Variants in MACROD2 observed in about 807,000 individuals in gnomAD.
MACROD2 encodes ADP-ribose glycohydrolase MACROD2.
MACROD2 carries 36 observed loss-of-function variants against 70.4 expected under a neutral mutation model. The observed-to-expected ratio is 0.51, with a 90% CI of 0.39 to 0.68. The LOEUF (loss-of-function observed/expected upper bound fraction) is 0.68. MACROD2 is among the 30% of genes least tolerant of loss of function. The pLI is 0.00. For missense variants in MACROD2, 496 were observed against 538.4 expected (o/e 0.92, Z 0.78); for synonymous variants, 172 against 178.8 (o/e 0.96, Z 0.30).
intron 8 of MACROD2, among the ~76,000 whole-genome samples, chr20:15,579,970 T>A (rs75667660): frequency 0.021 from 3,185 of 152,264 alleles, 115 homozygotes; most frequent in African/African-American, 0.068. Flanking sequence ...CTTGCATCAC[T>A]TCCGGAATGC....
At chr20:15,161,370 CAT>C (rs994311543) in intron 5 of MACROD2, among the ~76,000 whole-genome samples, 97 of 149,562 alleles carry the variant, frequency 6.5e-4, no homozygotes, top group African/African-American at 2.1e-3. Context: ...ATTGTAATAA[CAT>C]ATAATAATGT....
At chr20:15,407,814 T>C (rs1184566042) in intron 6 of MACROD2, among the ~76,000 whole-genome samples, 2 of 152,222 alleles carry the variant, frequency 1.3e-5, no homozygotes, top group African/African-American at 4.8e-5. Context: ...GTGTAGTTAC[T>C]AGAATCACAG....
At chr20:14,695,263 C>G (rs2071110304) in intron 5 of MACROD2, among the ~76,000 whole-genome samples, 1 of 152,116 alleles carries the variant, frequency 6.6e-6, no homozygotes, top group South Asian at 2.1e-4. Flanking sequence ...TCAGGTGTTT[C>G]TTGGCTTGTG....
chr20:15,150,141 G>A (rs2076258878), intron 5 of MACROD2, among the ~76,000 whole-genome samples: 1 of 152,008 alleles, frequency 6.6e-6, no homozygotes, highest in African/African-American at 2.4e-5. Flanking sequence ...ATAGGTAACA[G>A]ATGAGGAAGA....
chr20:14,482,685 T>G (rs546785904), intron 3 of MACROD2, among the ~76,000 whole-genome samples: 3 of 152,130 alleles, frequency 2.0e-5, no homozygotes, highest in Non-Finnish European at 4.4e-5. Context: ...ATACGTTCCA[T>G]TGAATTTTCA....
At chr20:14,352,635 TAGG>T (rs1366517923) in intron 3 of MACROD2, among the ~76,000 whole-genome samples, 2 of 152,186 alleles carry the variant, frequency 1.3e-5, no homozygotes, top group African/African-American at 4.8e-5. Flanking sequence ...TTTAACTTAA[TAGG>T]AGATACATTG....
chr20:14,156,874 G>A (rs2055111162), intron 3 of MACROD2, among the ~76,000 whole-genome samples: 1 of 152,124 alleles, frequency 6.6e-6, no homozygotes, highest in Non-Finnish European at 1.5e-5. Flanking sequence ...TTCACTGTAA[G>A]GGTCATTGTG....
chr20:14,484,716 T>C (rs2084702303), intron 3 of MACROD2, among the ~76,000 whole-genome samples: 1 of 152,198 alleles, frequency 6.6e-6, no homozygotes, highest in Non-Finnish European at 1.5e-5. Flanking sequence ...CCTGGCTTAT[T>C]TCCCTTAACA....
chr20:14,960,860 A>T (rs2074577123), intron 5 of MACROD2, among the ~76,000 whole-genome samples: 1 of 152,170 alleles, frequency 6.6e-6, no homozygotes, highest in Non-Finnish European at 1.5e-5. Flanking sequence ...TTGTCTGAAG[A>T]CTAGAAATTG....
chr20:15,524,535 A>T (rs528011805), intron 8 of MACROD2, among the ~76,000 whole-genome samples: 126 of 152,246 alleles, frequency 8.3e-4, no homozygotes, highest in Middle Eastern at 3.4e-3. Flanking sequence ...GATATAGCTA[A>T]TGGGCTGTCA....
At chr20:14,078,749 A>G (rs2053950205) in intron 2 of MACROD2, among the ~76,000 whole-genome samples, 1 of 152,192 alleles carries the variant, frequency 6.6e-6, no homozygotes, top group African/African-American at 2.4e-5. Flanking sequence ...GAGATTTCCC[A>G]TAGGTCCCCT....
intron 8 of MACROD2, among the ~76,000 whole-genome samples, chr20:15,578,868 G>T (rs951969605): frequency 1.3e-5 from 2 of 152,096 alleles, no homozygotes; most frequent in South Asian, 4.1e-4. Flanking sequence ...CTTATTTGTG[G>T]TAATAAGGCA....
chr20:14,990,763 C>T (rs546620689), intron 5 of MACROD2, among the ~76,000 whole-genome samples: 1 of 152,202 alleles, frequency 6.6e-6, no homozygotes, highest in East Asian at 1.9e-4. Context: ...CTGCCCACCT[C>T]GGCCTCCCAA....
At chr20:14,860,041 A>G (rs1292889962) in intron 5 of MACROD2, among the ~76,000 whole-genome samples, 1 of 152,162 alleles carries the variant, frequency 6.6e-6, no homozygotes, top group African/African-American at 2.4e-5. Context: ...GTGAACACAT[A>G]AGTATATCCA....
chr20:14,765,728 A>G (rs1023840219), intron 5 of MACROD2, among the ~76,000 whole-genome samples: 1 of 152,106 alleles, frequency 6.6e-6, no homozygotes, highest in Admixed American at 6.6e-5. Flanking sequence ...AAATCAACAT[A>G]TGAAACAGGC....
At chr20:14,332,169 C>A (rs1195183680) in intron 3 of MACROD2, among the ~76,000 whole-genome samples, 1 of 152,034 alleles carries the variant, frequency 6.6e-6, no homozygotes, top group African/African-American at 2.4e-5. Flanking sequence ...TCCTTATATT[C>A]ATATTCAGTT....
chr20:14,271,429 GGGTCCTGTCT>G (rs2082194964), intron 3 of MACROD2, among the ~76,000 whole-genome samples: 2 of 152,156 alleles, frequency 1.3e-5, no homozygotes, highest in Non-Finnish European at 2.9e-5. Flanking sequence ...CTGCAGCTGA[GGGTCCTGTCT>G]GTTAGAAGAA....
chr20:15,259,682 A>C (rs1449242552), intron 6 of MACROD2, among the ~76,000 whole-genome samples: 3 of 152,074 alleles, frequency 2.0e-5, no homozygotes, highest in African/African-American at 7.2e-5. Flanking sequence ...TAATGCACCC[A>C]GGTATTAAAA....
At chr20:14,574,549 C>G (rs1980442880) in intron 4 of MACROD2, among the ~76,000 whole-genome samples, 1 of 152,012 alleles carries the variant, frequency 6.6e-6, no homozygotes, top group African/African-American at 2.4e-5. Context: ...TCACTTGCCC[C>G]CTAGTATTCT....
Sources: allele counts gnomAD v4.1 joint callset (sites outside exome capture counted in the v4.1 genomes callset), GRCh38; gene constraint gnomAD v4.1.1; transcripts MANE v1.5; gene names NCBI Gene and HGNC (gene_info 2026-07-23, HGNC 2026-07-21).